LHFPL3: variants seen among roughly 807,000 people sequenced by gnomAD.
LHFPL3 encodes LHFPL tetraspan subfamily member 3, also known as LHFPL tetraspan subfamily member 3 protein.
LHFPL3 carries 5 observed loss-of-function variants against 19.3 expected under a neutral mutation model. The ratio of observed to expected loss-of-function variants is 0.26; its 90% CI spans 0.14 to 0.54. The LOEUF (loss-of-function observed/expected upper bound fraction) is 0.54. LHFPL3 is among the 20% of genes least tolerant of loss of function. The probability of loss-of-function intolerance (pLI) is 0.94; values close to 1 mark genes in which losing one functional copy is unlikely to be tolerated. For missense variants in LHFPL3, 249 were observed against 307.4 expected (o/e 0.81, Z 1.42); for synonymous variants, 133 against 126.2 (o/e 1.05, Z -0.36).
chr7:104,616,784 A>G (rs995519681), intron 1 of LHFPL3, among the ~76,000 whole-genome samples: 4 of 152,206 alleles, frequency 2.6e-5, no homozygotes, highest in Admixed American at 2.0e-4. Context: ...AGAATCTACA[A>G]GGAACTTAAA....
intron 2 of LHFPL3, among the ~76,000 whole-genome samples, chr7:104,840,363 TGGA>T (rs1300185252): frequency 1.4e-5 from 2 of 143,714 alleles, no homozygotes; most frequent in Non-Finnish European, 3.0e-5. Flanking sequence ...TCACCGAGGC[TGGA>T]GTGCAGCGGC....
intron 1 of LHFPL3, among the ~76,000 whole-genome samples, chr7:104,557,371 C>T (rs1206198645): frequency 6.6e-6 from 1 of 152,192 alleles, no homozygotes; most frequent in Non-Finnish European, 1.5e-5. Flanking sequence ...TCACGTTTTA[C>T]ATGGATGGCA....
At chr7:104,805,927 C>G (rs1170631633) in intron 2 of LHFPL3, among the ~76,000 whole-genome samples, 2 of 152,154 alleles carry the variant, frequency 1.3e-5, no homozygotes, top group Admixed American at 6.5e-5. Flanking sequence ...TTCTGTGATT[C>G]CACAGCTCAG....
intron 1 of LHFPL3, among the ~76,000 whole-genome samples, chr7:104,670,775 GT>G (rs892992665): frequency 1.1e-4 from 17 of 151,888 alleles, no homozygotes; most frequent in East Asian, 3.9e-4. Context: ...ACCTTGATGG[GT>G]TTTTTTCCCC....
intron 1 of LHFPL3, among the ~76,000 whole-genome samples, chr7:104,691,848 G>T (rs553037577): frequency 6.6e-6 from 1 of 152,282 alleles, no homozygotes; most frequent in African/African-American, 2.4e-5. Flanking sequence ...AGACTTGGAG[G>T]GCTCAGAAGA....
intron 2 of LHFPL3, among the ~76,000 whole-genome samples, chr7:104,900,668 C>A (rs1584606749): frequency 6.6e-6 from 1 of 152,296 alleles, no homozygotes; most frequent in Admixed American, 6.5e-5. Context: ...AGAAACCAAC[C>A]ACAGGAGACA....
chr7:104,812,971 G>A (rs1184384706), intron 2 of LHFPL3, among the ~76,000 whole-genome samples: 1 of 151,852 alleles, frequency 6.6e-6, no homozygotes, highest in East Asian at 1.9e-4. Flanking sequence ...AAAATAGCTG[G>A]ATGTGGTGGC....
intron 1 of LHFPL3, among the ~76,000 whole-genome samples, chr7:104,678,097 A>G (rs138329903): frequency 6.6e-6 from 1 of 152,380 alleles, no homozygotes; most frequent in East Asian, 1.9e-4. Flanking sequence ...TCCAAACTTC[A>G]GCGCGAGAAT....
At chr7:104,548,570 A>T (rs1794612419) in intron 1 of LHFPL3, among the ~76,000 whole-genome samples, 1 of 152,180 alleles carries the variant, frequency 6.6e-6, no homozygotes, top group Non-Finnish European at 1.5e-5. Flanking sequence ...TATATAAACA[A>T]ATACGAAATA....
At chr7:104,348,282 C>A (rs1407102919) in intron 1 of LHFPL3, among the ~76,000 whole-genome samples, 1 of 152,120 alleles carries the variant, frequency 6.6e-6, no homozygotes, top group Non-Finnish European at 1.5e-5. Context: ...CTATTGGAGG[C>A]TGAGGCAGGA....
At chr7:104,793,288 G>T (rs1001691962) in intron 2 of LHFPL3, among the ~76,000 whole-genome samples, 6 of 152,148 alleles carry the variant, frequency 3.9e-5, no homozygotes, top group African/African-American at 1.4e-4. Flanking sequence ...GGACAAAAGA[G>T]GGGAAAAACA....
At chr7:104,776,300 C>A (rs1372584572) in intron 2 of LHFPL3, among the ~76,000 whole-genome samples, 1 of 152,184 alleles carries the variant, frequency 6.6e-6, no homozygotes, top group Non-Finnish European at 1.5e-5. Context: ...GAAACCACAC[C>A]CACAATCCAG....
chr7:104,850,898 C>G lies in LHFPL3; in HGVS notation c.683-55289C>G, dbSNP rs185001358. ...TAAAATGTAGGTTCTGACCCCTCAC[C>G]CACAGAGATTTAGAAGTTCTGCAGT... On this transcript the variant is annotated intron_variant, in intron 2 of 2. Transcript: ENST00000424859. Among the ~76,000 whole-genome samples the G allele has an allele frequency of 4.6e-5, 7 of 152,230 alleles. No individual in the cohort carries two copies. The South Asian group carries it at 1.5e-3, about 32-fold the overall frequency.
chr7:104,345,463 A>G (rs1790047376), intron 1 of LHFPL3, among the ~76,000 whole-genome samples: 1 of 152,232 alleles, frequency 6.6e-6, no homozygotes, highest in East Asian at 1.9e-4. Context: ...TTTAGCCACT[A>G]CCACTTTTGG....
At chr7:104,762,197 G>A (rs1794382414) in intron 2 of LHFPL3, among the ~76,000 whole-genome samples, 1 of 152,198 alleles carries the variant, frequency 6.6e-6, no homozygotes, top group Non-Finnish European at 1.5e-5. Flanking sequence ...ATTTGCTGGA[G>A]TGGGAGGGGA....
At chr7:104,624,030 G>T (rs1406345367) in intron 1 of LHFPL3, among the ~76,000 whole-genome samples, 1 of 152,200 alleles carries the variant, frequency 6.6e-6, no homozygotes, top group Non-Finnish European at 1.5e-5. Context: ...GAAATAAAAG[G>T]TTACACTTAC....
chr7:104,600,273 G>A (rs950415466), intron 1 of LHFPL3, among the ~76,000 whole-genome samples: 3 of 152,188 alleles, frequency 2.0e-5, no homozygotes, highest in African/African-American at 7.2e-5. Flanking sequence ...GCAACTTTTC[G>A]AGAGTTAATC....
intron 1 of LHFPL3, among the ~76,000 whole-genome samples, chr7:104,682,349 G>A (rs1792721424): frequency 6.6e-6 from 1 of 152,144 alleles, no homozygotes; most frequent in Non-Finnish European, 1.5e-5. Context: ...GAGAAACGCA[G>A]AATCTCAGGC....
intron 1 of LHFPL3, among the ~76,000 whole-genome samples, chr7:104,423,789 C>T (rs896259587): frequency 1.3e-5 from 2 of 149,952 alleles, no homozygotes; most frequent in Non-Finnish European, 3.0e-5. Context: ...TGCAGTGAGC[C>T]GTGATCATGC....
Sources: allele counts gnomAD v4.1 joint callset (sites outside exome capture counted in the v4.1 genomes callset), GRCh38; gene constraint gnomAD v4.1.1; transcripts MANE v1.5; gene names NCBI Gene and HGNC (gene_info 2026-07-23, HGNC 2026-07-21).